Variants in MAST4 observed in about 807,000 individuals in gnomAD.
The protein encoded by MAST4 is microtubule associated serine/threonine kinase family member 4.
MAST4 carries 89 observed loss-of-function variants against 162.7 expected under a neutral mutation model. That is an observed-to-expected ratio of 0.55 (90% CI 0.46 to 0.65). The LOEUF (loss-of-function observed/expected upper bound fraction) is 0.65. Among genes scored for constraint, MAST4 ranks in the 30% least tolerant of loss-of-function variants. MAST4 has a pLI of 0.00. For synonymous variants in MAST4, 1,479 were observed against 1,361.1 expected (o/e 1.09, Z -1.91); for missense variants, 3,153 against 3,374.0 (o/e 0.93, Z 1.62).
At chr5:66,984,823 G>A (rs1016108576) in intron 4 of MAST4, among the ~76,000 whole-genome samples, 1 of 152,100 alleles carries the variant, frequency 6.6e-6, no homozygotes, top group Admixed American at 6.5e-5. Flanking sequence ...TTGTCCACTG[G>A]ATGAACAGAA....
intron 1 of MAST4, among the ~76,000 whole-genome samples, chr5:66,719,919 A>C (rs1751088810): frequency 1.3e-5 from 2 of 152,162 alleles, no homozygotes; most frequent in Admixed American, 1.3e-4. Context: ...TCATTGTACC[A>C]TTACCTCCTT....
chr5:66,927,884 C>T (rs1484214684), intron 4 of MAST4, among the ~76,000 whole-genome samples: 1 of 152,178 alleles, frequency 6.6e-6, no homozygotes, highest in Non-Finnish European at 1.5e-5. Flanking sequence ...AGAACCTGTT[C>T]CATGCCTCTT....
chr5:66,773,990 T>A (rs1187478730), intron 2 of MAST4, among the ~76,000 whole-genome samples: 1 of 152,216 alleles, frequency 6.6e-6, no homozygotes, highest in East Asian at 1.9e-4. Flanking sequence ...ATGTATTAAG[T>A]GACATACATG....
chr5:67,029,286 A>G (rs1457446446), intron 4 of MAST4, among the ~76,000 whole-genome samples: 3 of 152,174 alleles, frequency 2.0e-5, no homozygotes, highest in Non-Finnish European at 4.4e-5. Flanking sequence ...CCCAAGAGAA[A>G]TGGAGGTGGG....
At chr5:66,816,015 A>G (rs1347747834) in intron 3 of MAST4, among the ~76,000 whole-genome samples, 2 of 152,224 alleles carry the variant, frequency 1.3e-5, no homozygotes. Context: ...CAGGATAGAC[A>G]GGACTTATCC....
In MAST4 at chr5:67,130,598, T is replaced by A. The variant is rs1287855765; in HGVS notation, c.1954+180T>A. The stretch of plus-strand genomic sequence containing the variant: ...ATAATTGCTTGTAAAGTGCCTGCTC[T>A]ACTATAACAAAGAGAAAATTAGCGC... On this transcript the variant is annotated intron_variant, in intron 15 of 28. Transcript: ENST00000403625. 2.0e-5 allele frequency among the ~76,000 whole-genome samples: 3 copies of A among 152,208 alleles called. No individual in the cohort carries two copies. In the East Asian group the frequency reaches 5.8e-4, roughly 29 times the overall value.
At chr5:66,960,385 A>G (rs1469580275) in intron 4 of MAST4, among the ~76,000 whole-genome samples, 1 of 152,240 alleles carries the variant, frequency 6.6e-6, no homozygotes, top group Non-Finnish European at 1.5e-5. Flanking sequence ...ACAAAAAGTT[A>G]GAGGGCTCTC....
At chr5:66,762,356 A>G (rs996637764) in intron 2 of MAST4, among the ~76,000 whole-genome samples, 1 of 152,138 alleles carries the variant, frequency 6.6e-6, no homozygotes, top group African/African-American at 2.4e-5. Flanking sequence ...GTTCCTCTGT[A>G]TGGTTTAGCT....
chr5:66,731,258 C>G (rs1314962613), intron 1 of MAST4, among the ~76,000 whole-genome samples: 1 of 147,968 alleles, frequency 6.8e-6, no homozygotes, highest in East Asian at 1.9e-4. Flanking sequence ...ATCCAAAGAT[C>G]AGAACATCTG....
chr5:66,762,747 C>A lies in MAST4; in HGVS notation c.517+2885C>A, dbSNP rs555077931. ...ATCTAATCTGTTACTTAACAACTGA[C>A]CACCTTCTCATTGTTTTACTTTGTT... On this transcript the variant is annotated intron_variant, in intron 2 of 28. Coordinates refer to ENST00000403625, the MANE Select transcript of MAST4 (RefSeq NM_001164664.2). Among the ~76,000 whole-genome samples the A allele has an allele frequency of 9.2e-5, 14 of 152,350 alleles. No individual in the cohort carries two copies. In the East Asian group the frequency reaches 1.7e-3, roughly 19 times the overall value.
At chr5:66,680,815 T>C (rs966785202) in intron 1 of MAST4, among the ~76,000 whole-genome samples, 1 of 152,124 alleles carries the variant, frequency 6.6e-6, no homozygotes, top group African/African-American at 2.4e-5. Context: ...AAAAGTTCTT[T>C]TTATGGGCAA....
At chr5:66,704,661 T>C (rs541250967) in intron 1 of MAST4, among the ~76,000 whole-genome samples, 4 of 152,052 alleles carry the variant, frequency 2.6e-5, no homozygotes, top group African/African-American at 9.6e-5. Context: ...CCACCATGCT[T>C]GGCTAATTTT....
At chr5:66,688,124 G>A (rs1226173900) in intron 1 of MAST4, among the ~76,000 whole-genome samples, 1 of 152,144 alleles carries the variant, frequency 6.6e-6, no homozygotes, top group African/African-American at 2.4e-5. Context: ...GGTCATGATA[G>A]CTTTTAGATT....
chr5:66,609,139 T>C (rs1363479539), intron 1 of MAST4, among the ~76,000 whole-genome samples: 1 of 151,864 alleles, frequency 6.6e-6, no homozygotes. Context: ...GTTTGGATTT[T>C]TCCTGCTGCC....
intron 1 of MAST4, among the ~76,000 whole-genome samples, chr5:66,749,349 C>T (rs1752990080): frequency 6.6e-6 from 1 of 152,112 alleles, no homozygotes; most frequent in Non-Finnish European, 1.5e-5. Flanking sequence ...CCGTTCATGC[C>T]AAAAACATAG....
chr5:66,706,617 T>A lies in MAST4; in HGVS notation c.364-53092T>A, dbSNP rs1297845018. ...GATGAAAGAAATAGTAATTTTTTTT[T>A]TTTTTGTTGAAGTGATCAGGTAAAA... On this transcript the variant is annotated intron_variant, in intron 1 of 28. Coordinates refer to ENST00000403625, the MANE Select transcript of MAST4 (RefSeq NM_001164664.2). Among the ~76,000 whole-genome samples the A allele has an allele frequency of 2.6e-5, 4 of 152,082 alleles. No homozygotes were observed. The South Asian group carries it at 8.3e-4, about 32-fold the overall frequency.
chr5:67,095,454 T>G (rs1764346363), intron 6 of MAST4, 143 bp from the exon 7 acceptor site: 1 of 555,376 alleles, frequency 1.8e-6, no homozygotes, highest in Non-Finnish European at 3.2e-6. Flanking sequence ...TAATGTTTGT[T>G]TACCCTGACC....
intron 1 of MAST4, among the ~76,000 whole-genome samples, chr5:66,704,590 T>C (rs921380483): frequency 2.8e-5 from 4 of 141,750 alleles, no homozygotes; most frequent in African/African-American, 1.1e-4. Context: ...AAGCTCTGCC[T>C]CCCGGGTTCA....
chr5:66,965,225 C>CTTTTTTTTTTTTT (rs1187971815), intron 4 of MAST4, among the ~76,000 whole-genome samples: 6 of 84,898 alleles, frequency 7.1e-5, no homozygotes, highest in Non-Finnish European at 9.4e-5. Flanking sequence ...TTTTTTTTTG[C>CTTTTTTTTTTTTT]TTTTTTTTTT....
Sources: allele counts gnomAD v4.1 joint callset (sites outside exome capture counted in the v4.1 genomes callset), GRCh38; gene constraint gnomAD v4.1.1; transcripts MANE v1.5; gene names NCBI Gene and HGNC (gene_info 2026-07-23, HGNC 2026-07-21).